LRBA: variants seen among roughly 807,000 people sequenced by gnomAD.
The protein encoded by LRBA is LPS responsive beige-like anchor protein, also known as lipopolysaccharide-responsive and beige-like anchor protein.
A neutral mutation model predicts 330.0 loss-of-function variants in LRBA; 176 were observed. That is an observed-to-expected ratio of 0.53 (90% confidence interval 0.47 to 0.60). The LOEUF is 0.60. Ranked by LOEUF, LRBA falls within the 20% of genes least tolerant of loss-of-function variation. The pLI, the probability that LRBA is intolerant of heterozygous loss-of-function variation, is 0.00. For synonymous variants in LRBA, 1,230 were observed against 1,193.0 expected, an observed-to-expected ratio of 1.03 and a Z score of -0.64; for missense variants, 3,259 against 3,444.8, an observed-to-expected ratio of 0.95 and a Z score of 1.35.
At chr4:150,503,812 C>T (rs890257825) in intron 40 of LRBA, among the ~76,000 whole-genome samples, 3 of 151,942 alleles carry the variant, frequency 2.0e-5, no homozygotes, top group Admixed American at 1.3e-4. Flanking sequence ...GGAGGAAATT[C>T]GAACCAATGG....
chr4:150,916,339 CA>C, intron 7 of LRBA, 61 bp downstream of exon 7: 3 of 1,527,654 alleles, frequency 2.0e-6, no homozygotes, highest in Non-Finnish European at 2.7e-6. Context: ...AACATTAAAA[CA>C]AAGCATTTTG....
intron 44 of LRBA, among the ~76,000 whole-genome samples, chr4:150,450,324 T>G (rs1753188466): frequency 6.6e-6 from 1 of 152,192 alleles, no homozygotes; most frequent in African/African-American, 2.4e-5. Context: ...AATATAAACT[T>G]ATTGCCTCAG....
At chr4:150,859,027 TAC>T (rs1297808891) in intron 22 of LRBA, among the ~76,000 whole-genome samples, 4 of 152,196 alleles carry the variant, frequency 2.6e-5, no homozygotes, top group Non-Finnish European at 5.9e-5. Context: ...TTTTCTTATG[TAC>T]AGTGACTGAA....
At chr4:150,398,755 TA>T (rs1745081843) in intron 47 of LRBA, among the ~76,000 whole-genome samples, 1 of 152,082 alleles carries the variant, frequency 6.6e-6, no homozygotes, top group Non-Finnish European at 1.5e-5. Context: ...GCCTCCCATG[TA>T]GATGGAACTA....
rs190402534 is a variant in LRBA at position 150,958,763 on chromosome 4, G to C, written c.217-29698C>G. On this transcript the variant is annotated intron_variant, in intron 2 of 56. Transcript: ENST00000651943. ...ACCTCTAGGGCAAGGGTAAACTGCCGCAAGTCTCTTTGCATGGCAAGAATG... is the reference window on the plus strand; with the variant it reads ...ACCTCTAGGGCAAGGGTAAACTGCCCCAAGTCTCTTTGCATGGCAAGAATG... 2.0e-5 allele frequency among the ~76,000 whole-genome samples: 3 copies of C among 148,746 alleles called. No homozygotes were observed. The East Asian group carries it at 5.8e-4, about 29-fold the overall frequency.
At chr4:150,650,576 CA>C (rs761244209) in intron 37 of LRBA, among the ~76,000 whole-genome samples, 8 of 152,048 alleles carry the variant, frequency 5.3e-5, no homozygotes, top group Non-Finnish European at 1.0e-4. Flanking sequence ...ACAGAGTCAG[CA>C]AAAGGATACA....
chr4:150,947,975 A>T (rs913338163), intron 2 of LRBA, among the ~76,000 whole-genome samples: 4 of 152,084 alleles, frequency 2.6e-5, no homozygotes, highest in Non-Finnish European at 4.4e-5. Flanking sequence ...GAAAACAATA[A>T]TATGATGATG....
intron 40 of LRBA, among the ~76,000 whole-genome samples, chr4:150,553,358 C>T (rs756015547): frequency 9.2e-5 from 14 of 151,894 alleles, no homozygotes; most frequent in Non-Finnish European, 1.8e-4. Context: ...AGGAGATATA[C>T]CTAATGTAAA....
At chr4:150,860,427 T>C (rs1225831368) in intron 22 of LRBA, among the ~76,000 whole-genome samples, 1 of 152,182 alleles carries the variant, frequency 6.6e-6, no homozygotes, top group Non-Finnish European at 1.5e-5. Context: ...AAAACTTAAG[T>C]CAGTGTGGTT....
chr4:150,928,365 C>T (rs1019520541), intron 4 of LRBA, 151 bp downstream of exon 4: 33 of 563,234 alleles, frequency 5.9e-5, no homozygotes, highest in Middle Eastern at 4.1e-4. Context: ...AAGTATGGCA[C>T]GAGTAGCCAC....
Position 150,850,834 on chromosome 4 carries a change from A to T in LRBA, c.3894T>A (p.Asp1298Glu), listed in dbSNP as rs1485047983. The T allele has an allele frequency of 6.2e-7, 1 of 1,613,954 alleles. No individual in the cohort carries two copies. ...GAATACGAAACACAGTAGATCTGGA[A>T]TCCCTCCTTTGTCCATTAACTGCAT... is the stretch of plus-strand genomic sequence containing the variant. ...APDAVNGQRR[D>E]SRSTVFRIPE... Residue 1298 changes from aspartate (D) to glutamate (E), a missense_variant, in exon 24 of 57, where the codon GAT (aspartate) becomes GAA (glutamate). Transcript: ENST00000651943.
At chr4:150,954,240 C>G (rs1392121507) in intron 2 of LRBA, among the ~76,000 whole-genome samples, 1 of 151,898 alleles carries the variant, frequency 6.6e-6, no homozygotes, top group East Asian at 1.9e-4. Context: ...AGCCCCTCTG[C>G]CCGGCCGCCA....
intron 35 of LRBA, among the ~76,000 whole-genome samples, chr4:150,735,790 C>T (rs549197595): frequency 5.7e-4 from 87 of 152,216 alleles, no homozygotes; most frequent in African/African-American, 2.1e-3. Flanking sequence ...TCACTAGTCT[C>T]ACAAAGATAA....
chr4:150,424,368 C>T (rs1749258157), intron 46 of LRBA, among the ~76,000 whole-genome samples: 1 of 152,112 alleles, frequency 6.6e-6, no homozygotes, highest in African/African-American at 2.4e-5. Flanking sequence ...ATTTTGGTTG[C>T]CACAAAAACA....
intron 35 of LRBA, among the ~76,000 whole-genome samples, chr4:150,752,016 A>C (rs1045292354): frequency 6.6e-6 from 1 of 152,142 alleles, no homozygotes; most frequent in Non-Finnish European, 1.5e-5. Context: ...ATGAGAAAGG[A>C]AAGTTACTAC....
chr4:150,927,048 C>T (rs896612027), intron 4 of LRBA, among the ~76,000 whole-genome samples: 11 of 143,068 alleles, frequency 7.7e-5, no homozygotes, highest in African/African-American at 2.9e-4. Flanking sequence ...GTTAGCCTGG[C>T]GACAGAGCAA....
intron 47 of LRBA, among the ~76,000 whole-genome samples, chr4:150,396,027 T>C (rs564571138): frequency 1.4e-3 from 212 of 152,278 alleles, no homozygotes; most frequent in African/African-American, 4.8e-3. Flanking sequence ...CCCAGATAGC[T>C]GGTAAGACAT....
intron 51 of LRBA, among the ~76,000 whole-genome samples, chr4:150,314,158 G>A (rs17503964): frequency 0.2 from 31,069 of 151,944 alleles, 3,303 homozygotes; most frequent in East Asian, 0.26. Context: ...GATAGCATAG[G>A]ATATTCATTG....
At position 150,583,075 on chromosome 4, in the gene LRBA, TAC is replaced by T; in HGVS notation, c.6330+4971_6330+4972del. The T allele has an allele frequency of 6.2e-7, 1 of 1,613,652 alleles. No individual in the cohort carries two copies. The highest frequency in any genetic ancestry group is 8.5e-7 in the Non-Finnish European group (1 of 1,179,776). On this transcript the variant is annotated intron_variant, in intron 40 of 56. Coordinates refer to ENST00000651943, the MANE Select transcript of LRBA (RefSeq NM_001364905.1). The surrounding 1 kb of genome is among the most constrained non-coding windows in gnomAD (Gnocchi z 9.8). Reference sequence around the variant, plus strand: ...GCTGGTTTACCAGCTCAATAAGTACTACACTGAGCGCTGTCAGGCGCGCAAGG... The same window carrying T: ...GCTGGTTTACCAGCTCAATAAGTACTACTGAGCGCTGTCAGGCGCGCAAGG...
Sources: allele counts gnomAD v4.1 joint callset (sites outside exome capture counted in the v4.1 genomes callset), GRCh38; gene constraint gnomAD v4.1.1; non-coding constraint Gnocchi (gnomAD v3.1); transcripts MANE v1.5; gene names NCBI Gene and HGNC (gene_info 2026-07-23, HGNC 2026-07-21).